Variants in SEMA3D observed in about 807,000 individuals in gnomAD.
The protein encoded by SEMA3D is semaphorin 3D.
Under a neutral mutation model 100.1 loss-of-function variants are expected in SEMA3D, and 84 were observed. That is an observed-to-expected ratio of 0.84 (90% CI 0.70 to 1.01). The LOEUF (loss-of-function observed/expected upper bound fraction) is 1.01, where lower values mean the gene tolerates loss of function less well. Among genes scored for constraint, SEMA3D ranks in the 50% least tolerant of loss-of-function variants. The pLI is 0.00. For missense variants in SEMA3D, 875 were observed against 934.1 expected (o/e 0.94, Z 0.82); for synonymous variants, 312 against 320.7 (o/e 0.97, Z 0.29).
chr7:85,136,413 T>C (rs1789869731), intron 2 of SEMA3D, among the ~76,000 whole-genome samples: 1 of 152,150 alleles, frequency 6.6e-6, no homozygotes, highest in Non-Finnish European at 1.5e-5. Context: ...GCATTAAGTA[T>C]ACACAGAACT....
intron 12 of SEMA3D, among the ~76,000 whole-genome samples, chr7:85,030,492 C>A (rs1191155689): frequency 1.3e-5 from 2 of 151,928 alleles, no homozygotes; most frequent in Non-Finnish European, 2.9e-5. Flanking sequence ...AAAAAGGAAT[C>A]ATTATTTTTA....
the SEMA3D span, among the ~76,000 whole-genome samples, chr7:85,210,633 A>G: frequency 3.3e-5 from 5 of 152,008 alleles, no homozygotes; most frequent in African/African-American, 9.7e-5. Context: ...ACAAACATTC[A>G]GCAGGATTAA....
intron 11 of SEMA3D, among the ~76,000 whole-genome samples, chr7:85,038,035 G>A (rs960500301): frequency 5.5e-5 from 8 of 144,838 alleles, no homozygotes; most frequent in Admixed American, 1.4e-4. Flanking sequence ...ATCACACACC[G>A]GGGCCTGTTG....
At chr7:85,143,659 A>G (rs934387365) in intron 2 of SEMA3D, among the ~76,000 whole-genome samples, 2 of 152,140 alleles carry the variant, frequency 1.3e-5, no homozygotes, top group Non-Finnish European at 2.9e-5. Context: ...TGTAATATAT[A>G]GTAATATAAT....
At chr7:85,199,368 A>T in the SEMA3D span, among the ~76,000 whole-genome samples, 1 of 152,118 alleles carries the variant, frequency 6.6e-6, no homozygotes, top group Admixed American at 6.5e-5. Flanking sequence ...GGTGTGTTCA[A>T]GTATTCTGCA....
At chr7:85,015,274 T>G in intron 15 of SEMA3D, 58 bp from the exon 16 acceptor site, 2 of 1,532,522 alleles carry the variant, frequency 1.3e-6, no homozygotes, top group Non-Finnish European at 1.8e-6. Context: ...TCTTAAGAAT[T>G]TCCTTTTCTT....
intron 3 of SEMA3D, among the ~76,000 whole-genome samples, chr7:85,104,716 A>G (rs1788858425): frequency 6.6e-6 from 1 of 151,950 alleles, no homozygotes; most frequent in Non-Finnish European, 1.5e-5. Context: ...TCTTGCATTT[A>G]TTGCCAGAGA....
At chr7:85,116,592 C>A (rs1789252440) in intron 3 of SEMA3D, among the ~76,000 whole-genome samples, 1 of 151,346 alleles carries the variant, frequency 6.6e-6, no homozygotes, top group Admixed American at 6.6e-5. Flanking sequence ...TTATTGATGT[C>A]TTTGGTAAAC....
chr7:85,134,004 A>G (rs1383076604), intron 2 of SEMA3D, among the ~76,000 whole-genome samples: 1 of 151,980 alleles, frequency 6.6e-6, no homozygotes, highest in African/African-American at 2.4e-5. Flanking sequence ...GTGTTTGTAT[A>G]ATTTGGCATT....
At position 85,186,357 on chromosome 7, in the gene SEMA3D, A is replaced by G. The variant is rs978829962; in HGVS notation, c.-173+321T>C. Among the ~76,000 whole-genome samples, 3 of 152,250 alleles carry G rather than the reference A, an allele frequency of 2.0e-5. No individual in the cohort carries two copies. The East Asian group carries it at 5.8e-4, about 30-fold the overall frequency. On this transcript the variant is annotated intron_variant, in intron 1 of 18. Coordinates refer to ENST00000284136, the MANE Select transcript of SEMA3D (RefSeq NM_001384900.1). ...GCCAGGGAGAGAGCAAAGTTCCTGG[A>G]CGCGTCTCAGGAGGAAAACTTTGTG...
At position 85,010,251 on chromosome 7, in the gene SEMA3D, C is replaced by T. The variant is rs144731473; in HGVS notation, c.1768+2531G>A. Among the ~76,000 whole-genome samples the T allele has an allele frequency of 3.9e-3, 594 of 151,906 alleles. 5 individuals carry two copies. The highest frequency in any genetic ancestry group is 0.014 in the African/African-American group (571 of 41,502). ...ATGTGAGAGAGGGTCAGAGAATATA[C>T]TAGCGATCAGGTCAAGAAGCATCTT... On this transcript the variant is annotated intron_variant, in intron 17 of 18. Coordinates refer to ENST00000284136, the MANE Select transcript of SEMA3D (RefSeq NM_001384900.1).
chr7:85,004,714 G>A (rs2115732052), intron 18 of SEMA3D, among the ~76,000 whole-genome samples: 1 of 152,148 alleles, frequency 6.6e-6, no homozygotes, highest in South Asian at 2.1e-4. Context: ...GTAAGAAGCA[G>A]AAGGCATCCT....
intron 15 of SEMA3D, among the ~76,000 whole-genome samples, chr7:85,015,896 T>G (rs895020415): frequency 1.3e-5 from 2 of 151,416 alleles, no homozygotes; most frequent in Admixed American, 1.3e-4. Context: ...GTAGTAGCGG[T>G]GGAGGGGGAG....
chr7:85,142,470 A>T, intron 2 of SEMA3D: 1 of 978,212 alleles, frequency 1.0e-6, no homozygotes, highest in Non-Finnish European at 1.2e-6. Flanking sequence ...ACATCAGGGA[A>T]ATAAGGCATC....
At chr7:85,180,490 C>T (rs1791371133) in intron 1 of SEMA3D, among the ~76,000 whole-genome samples, 1 of 152,158 alleles carries the variant, frequency 6.6e-6, no homozygotes, top group Non-Finnish European at 1.5e-5. Flanking sequence ...GAATGGTTCA[C>T]TATTAGTAAA....
chr7:85,137,482 A>G (rs1351554615), intron 2 of SEMA3D, among the ~76,000 whole-genome samples: 2 of 152,102 alleles, frequency 1.3e-5, no homozygotes, highest in African/African-American at 2.4e-5. Flanking sequence ...TGTCATCAGT[A>G]TTAATGATAC....
chr7:85,238,957 T>C, the SEMA3D span, among the ~76,000 whole-genome samples: 2 of 152,140 alleles, frequency 1.3e-5, no homozygotes, highest in Non-Finnish European at 2.9e-5. Context: ...CTAATGTAAA[T>C]AGTACTGCAT....
chr7:85,160,562 T>C (rs1790719057), intron 1 of SEMA3D, among the ~76,000 whole-genome samples: 1 of 152,092 alleles, frequency 6.6e-6, no homozygotes, highest in Non-Finnish European at 1.5e-5. Context: ...ACACGCATCA[T>C]CATTCTAATG....
At chr7:85,017,348 T>C (rs1206550739) in intron 15 of SEMA3D, among the ~76,000 whole-genome samples, 1 of 151,812 alleles carries the variant, frequency 6.6e-6, no homozygotes, top group East Asian at 2.0e-4. Flanking sequence ...TCAGCTATAC[T>C]GTGAGCTTCT....
Sources: allele counts gnomAD v4.1 joint callset (sites outside exome capture counted in the v4.1 genomes callset), GRCh38; gene constraint gnomAD v4.1.1; transcripts MANE v1.5; gene names NCBI Gene and HGNC (gene_info 2026-07-23, HGNC 2026-07-21).